The following DGKB variants were observed in gnomAD, a reference collection of about 807,000 sequenced individuals.
The protein encoded by DGKB is diacylglycerol kinase beta.
Under a neutral mutation model 114.3 loss-of-function variants are expected in DGKB, and 67 were observed. The ratio of observed to expected loss-of-function variants is 0.59; its 90% CI spans 0.48 to 0.72. The LOEUF is 0.72. Among genes scored for constraint, DGKB ranks in the 30% least tolerant of loss-of-function variants. The probability of loss-of-function intolerance (pLI) is 0.00; values close to 1 mark genes in which losing one functional copy is unlikely to be tolerated. For missense variants in DGKB, 907 were observed against 975.2 expected (o/e 0.93, Z 0.93); for synonymous variants, 398 against 323.1 (o/e 1.23, Z -2.49).
intron 13 of DGKB, among the ~76,000 whole-genome samples, chr7:14,636,690 C>A (rs1413383228): frequency 2.0e-5 from 3 of 151,786 alleles, no homozygotes; most frequent in Non-Finnish European, 3.0e-5. Flanking sequence ...ATAGAATCTA[C>A]CTGGCGGGCA....
chr7:14,769,107 AAGAAAGAAAGAAAGAAAG>A, intron 2 of DGKB, among the ~76,000 whole-genome samples: 1 of 129,166 alleles, frequency 7.7e-6, no homozygotes, highest in Non-Finnish European at 1.6e-5. Context: ...GAAAGAAAGA[AAGAAAGAAAGAAAGAAAG>A]AGAGAGAGAG....
At chr7:14,759,367 A>T (rs1835361843) in intron 2 of DGKB, among the ~76,000 whole-genome samples, 1 of 152,130 alleles carries the variant, frequency 6.6e-6, no homozygotes, top group Admixed American at 6.5e-5. Context: ...TAACATTTTC[A>T]TCACCCTGTA....
Position 14,304,384 on chromosome 7 carries a change from T to A in DGKB, c.2122+34131A>T, listed in dbSNP as rs191359473. 7.2e-5 allele frequency among the ~76,000 whole-genome samples: 11 copies of A among 152,238 alleles called. No individual in the cohort carries two copies. The East Asian group carries it at 1.9e-3, about 27-fold the overall frequency. On this transcript the variant is annotated intron_variant, in intron 23 of 25. Coordinates refer to ENST00000402815, the MANE Select transcript of DGKB (RefSeq NM_001350709.2). ...TTATTGCACCATTAAGAGCATTTTG[T>A]TTTCTGCAATATTCCCAGATTTTCT...
intron 20 of DGKB, among the ~76,000 whole-genome samples, chr7:14,528,910 A>C (rs939262642): frequency 6.6e-6 from 1 of 152,012 alleles, no homozygotes; most frequent in Non-Finnish European, 1.5e-5. Context: ...TAACTTGGGC[A>C]CGGACAGATA....
At chr7:14,275,429 T>G (rs1798857441) in intron 23 of DGKB, among the ~76,000 whole-genome samples, 1 of 152,218 alleles carries the variant, frequency 6.6e-6, no homozygotes, top group Admixed American at 6.5e-5. Flanking sequence ...GCCTACTTCT[T>G]CAACTAATCC....
chr7:14,697,844 GGA>G (rs369256749), intron 8 of DGKB, among the ~76,000 whole-genome samples: 4 of 140,746 alleles, frequency 2.8e-5, no homozygotes, highest in African/African-American at 5.3e-5. Flanking sequence ...AGGAAGGAAG[GGA>G]GAGAGAGAAG....
intron 20 of DGKB, among the ~76,000 whole-genome samples, chr7:14,502,296 G>A (rs943278117): frequency 1.5e-4 from 23 of 152,080 alleles, no homozygotes; most frequent in African/African-American, 5.3e-4. Flanking sequence ...AGAGAAGTCA[G>A]GTAGAACCAA....
chr7:14,292,232 C>T (rs935871443), intron 23 of DGKB, among the ~76,000 whole-genome samples: 2 of 152,246 alleles, frequency 1.3e-5, no homozygotes, highest in East Asian at 1.9e-4. Context: ...TACGCGTTTT[C>T]ATCTATGGTG....
intron 21 of DGKB, among the ~76,000 whole-genome samples, chr7:14,450,028 C>T (rs1052831341): frequency 3.0e-4 from 46 of 151,866 alleles, no homozygotes; most frequent in African/African-American, 1.0e-3. Context: ...ACTTGCTAGG[C>T]GACAGGAACT....
intron 1 of DGKB, among the ~76,000 whole-genome samples, chr7:14,883,290 G>T (rs1384523470): frequency 6.6e-6 from 1 of 151,684 alleles, no homozygotes; most frequent in African/African-American, 2.4e-5. Context: ...AAAGTTTTAA[G>T]GGTCTATCTT....
At chr7:14,314,872 C>T (rs1156310210) in intron 23 of DGKB, among the ~76,000 whole-genome samples, 1 of 151,752 alleles carries the variant, frequency 6.6e-6, no homozygotes, top group Non-Finnish European at 1.5e-5. Flanking sequence ...ATGTTAAGGG[C>T]AGCCAGAGAG....
intron 22 of DGKB, among the ~76,000 whole-genome samples, chr7:14,343,870 A>T (rs1449595849): frequency 1.3e-5 from 2 of 148,292 alleles, no homozygotes; most frequent in East Asian, 3.9e-4. Flanking sequence ...CATATGACAC[A>T]TATATAACCA....
At chr7:14,258,346 G>A (rs965285398) in intron 23 of DGKB, among the ~76,000 whole-genome samples, 1 of 152,120 alleles carries the variant, frequency 6.6e-6, no homozygotes, top group African/African-American at 2.4e-5. Flanking sequence ...AGTTTTGTTT[G>A]TACATTATAA....
chr7:14,411,199 A>G (rs181956142), intron 21 of DGKB, among the ~76,000 whole-genome samples: 2 of 152,258 alleles, frequency 1.3e-5, no homozygotes, highest in East Asian at 3.9e-4. Context: ...GATTTTCCCA[A>G]CTGTTAATGT....
rs370693146 is a variant in DGKB, at chr7:14,705,286, T to C, written c.467-3556A>G. Reference sequence around the variant, plus strand: ...TTAGAGAAAAAAGAATAAAAAGAAATGAGCAAAGCCTCCAAGAAATATGGG... The same window carrying C: ...TTAGAGAAAAAAGAATAAAAAGAAACGAGCAAAGCCTCCAAGAAATATGGG... On this transcript the variant is annotated intron_variant, in intron 6 of 25. Coordinates refer to ENST00000402815, the MANE Select transcript of DGKB (RefSeq NM_001350709.2). Among the ~76,000 whole-genome samples, 3 of 149,116 alleles carry C rather than the reference T, an allele frequency of 2.0e-5. No individual in the cohort carries two copies. The South Asian group carries it at 6.5e-4, about 32-fold the overall frequency.
chr7:14,555,877 G>C (rs1021857003), intron 20 of DGKB, among the ~76,000 whole-genome samples: 21 of 152,154 alleles, frequency 1.4e-4, no homozygotes, highest in African/African-American at 2.7e-4. Context: ...GGTCTAAAAA[G>C]GGGAGGCATG....
chr7:14,673,091 T>A (rs576893842), intron 12 of DGKB, 64 bp from the exon 13 acceptor site: 1 of 882,052 alleles, frequency 1.1e-6, no homozygotes, highest in East Asian at 2.7e-5. Context: ...TGGGGGAGAT[T>A]ATATTTCAAT....
At chr7:14,877,672 C>A (rs867072340) in intron 1 of DGKB, among the ~76,000 whole-genome samples, 3 of 152,158 alleles carry the variant, frequency 2.0e-5, no homozygotes, top group Non-Finnish European at 1.5e-5. Context: ...TAACTTATAA[C>A]CTCTGTTTTC....
intron 23 of DGKB, among the ~76,000 whole-genome samples, chr7:14,283,150 G>A (rs895670432): frequency 1.3e-5 from 2 of 151,696 alleles, no homozygotes; most frequent in African/African-American, 4.8e-5. Context: ...AAGCTGATAA[G>A]CAACTTCAGC....
Sources: gnomAD v4.1 joint callset for allele counts (sites outside exome capture counted in the v4.1 genomes callset) on GRCh38, gnomAD v4.1.1 for gene constraint, MANE v1.5 for transcripts, NCBI Gene and HGNC (gene_info 2026-07-23, HGNC 2026-07-21) for gene names.